The following AGPAT3 variants were observed in gnomAD, a reference collection of about 807,000 sequenced individuals.
AGPAT3 encodes 1-acyl-sn-glycerol-3-phosphate acyltransferase gamma.
A neutral mutation model predicts 47.3 loss-of-function variants in AGPAT3; 5 were observed. The observed-to-expected ratio is 0.11, with a 90% CI of 0.06 to 0.22. The LOEUF is 0.22. Ranked by LOEUF, AGPAT3 falls within the 10% of genes least tolerant of loss-of-function variation. The pLI is 1.00. For missense variants in AGPAT3, 315 were observed against 493.0 expected, an observed-to-expected ratio of 0.64 and a Z score of 3.42; for synonymous variants, 212 against 208.3, an observed-to-expected ratio of 1.02 and a Z score of -0.15.
Position 43,981,065 on chromosome 21 carries a change from C to T in AGPAT3, c.920C>T (p.Thr307Ile). The change falls in exon 9 of 10, where the codon ACC becomes ATC. Residue 307 changes from threonine (T) to isoleucine (I), a missense_variant. Coordinates refer to ENST00000291572, the MANE Select transcript of AGPAT3 (RefSeq NM_020132.5). This position sits in a 1 kb window ranked among gnomAD's most constrained non-coding sequence, Gnocchi z 5.3. ...EQFKPARRPW[T>I]LLNFLSWATI... Reference sequence around the variant, plus strand: ...TTTAAGCCTGCCCGGAGGCCGTGGACCCTCCTGAACTTCCTGTCCTGGGCC... The same window carrying T: ...TTTAAGCCTGCCCGGAGGCCGTGGATCCTCCTGAACTTCCTGTCCTGGGCC... 6.2e-7 allele frequency: 1 copy of T among 1,614,196 alleles called. No homozygotes were observed. The highest frequency in any genetic ancestry group is 8.5e-7 in the Non-Finnish European group (1 of 1,180,018).
At chr21:43,888,745 C>T (rs1448606127) in intron 1 of AGPAT3, among the ~76,000 whole-genome samples, 4 of 152,220 alleles carry the variant, frequency 2.6e-5, no homozygotes, top group Non-Finnish European at 5.9e-5. Context: ...AATCCCAGCA[C>T]TTTGGGAGGC....
intron 7 of AGPAT3, among the ~76,000 whole-genome samples, chr21:43,973,146 G>A (rs188686548): frequency 2.4e-3 from 368 of 152,390 alleles, no homozygotes; most frequent in African/African-American, 8.3e-3. Context: ...TGAAGTTCAA[G>A]GACTGGCTGA....
rs959023444 is a variant in AGPAT3, at chr21:43,955,346, C to G, written c.-48-4288C>G. The G allele has an allele frequency of 6.2e-6, 5 of 801,126 alleles. No homozygotes were observed. The African/African-American group carries it at 7.4e-5, about 12-fold the overall frequency. The allele number at this position is 801,126 out of a possible 1,614,324, so 49.6% of individuals were successfully genotyped here. A position where few individuals can be genotyped will look rare whatever the true frequency, so the allele number is the denominator to read the frequency against. ...TGTTGCAGTGTGGTGGGGTCACAGG[C>G]GGCTTAGCTTGTCAACACCCATAAC... On this transcript the variant is annotated intron_variant, in intron 2 of 9. Coordinates refer to ENST00000291572, the MANE Select transcript of AGPAT3 (RefSeq NM_020132.5). The surrounding 1 kb of genome is among the most constrained non-coding windows in gnomAD (Gnocchi z 4.1).
At chr21:43,931,058 C>T (rs552356298) in intron 2 of AGPAT3, among the ~76,000 whole-genome samples, 16 of 152,230 alleles carry the variant, frequency 1.1e-4, no homozygotes, top group East Asian at 7.7e-4. Flanking sequence ...TGCCTTTTCT[C>T]GAGGGCCCCG....
chr21:43,906,497 A>C, intron 2 of AGPAT3, among the ~76,000 whole-genome samples: 1 of 152,214 alleles, frequency 6.6e-6, no homozygotes, highest in Non-Finnish European at 1.5e-5. Flanking sequence ...GAAATGTTGT[A>C]TCACTAGACA....
At chr21:43,903,279 G>A (rs765510763) in intron 1 of AGPAT3, among the ~76,000 whole-genome samples, 7 of 152,178 alleles carry the variant, frequency 4.6e-5, no homozygotes, top group Non-Finnish European at 8.8e-5. Context: ...GTGTTTAATG[G>A]AGACAGTGTT....
Position 43,982,631 on chromosome 21 carries a change from C to G in AGPAT3, c.*239C>G, listed in dbSNP as rs1006728337. On this transcript the variant is annotated 3_prime_UTR_variant, in exon 10 of 10. Coordinates refer to ENST00000291572, the MANE Select transcript of AGPAT3 (RefSeq NM_020132.5). The surrounding 1 kb of genome is among the most constrained non-coding windows in gnomAD (Gnocchi z 6.2). ...CGCGCCCGTGGGAGGTGGGTCCGGC[C>G]GGAGAGGCCTCCCGCGGACGCCGTC... 2 of 360,016 alleles carry G rather than the reference C, an allele frequency of 5.6e-6. No individual in the cohort carries two copies. Among genetic ancestry groups the G allele is most frequent in the African/African-American group, 4.3e-5 (2 of 46,434 alleles). The allele number at this position is 360,016 out of a possible 1,614,324, so 22.3% of individuals were successfully genotyped here. A position where few individuals can be genotyped will look rare whatever the true frequency, so the allele number is the denominator to read the frequency against.
At chr21:43,935,462 C>T (rs1469825680) in intron 2 of AGPAT3, among the ~76,000 whole-genome samples, 1 of 152,258 alleles carries the variant, frequency 6.6e-6, no homozygotes, top group African/African-American at 2.4e-5. Context: ...GCATAGGCCC[C>T]ACAATGTCCC....
chr21:43,888,811 A>T (rs2086037655), intron 1 of AGPAT3, among the ~76,000 whole-genome samples: 1 of 152,188 alleles, frequency 6.6e-6, no homozygotes, highest in African/African-American at 2.4e-5. Flanking sequence ...CAACATGGTG[A>T]AACCCCATCT....
intron 2 of AGPAT3, among the ~76,000 whole-genome samples, chr21:43,924,047 C>T (rs1287700671): frequency 3.3e-5 from 5 of 152,168 alleles, no homozygotes; most frequent in African/African-American, 9.6e-5. Flanking sequence ...GACGGAGTCT[C>T]GCTCTGTTGC....
At chr21:43,891,017 T>C (rs1244971506) in intron 1 of AGPAT3, among the ~76,000 whole-genome samples, 1 of 152,168 alleles carries the variant, frequency 6.6e-6, no homozygotes, top group Non-Finnish European at 1.5e-5. Context: ...GGATTACAGG[T>C]GTGAGCCATA....
intron 8 of AGPAT3, among the ~76,000 whole-genome samples, chr21:43,978,823 G>T (rs1404976216): frequency 1.3e-5 from 2 of 152,156 alleles, no homozygotes; most frequent in Non-Finnish European, 2.9e-5. Flanking sequence ...ACCACACTCA[G>T]TTCTTATTTC....
At chr21:43,906,651 G>A (rs541790192) in intron 2 of AGPAT3, among the ~76,000 whole-genome samples, 2 of 152,296 alleles carry the variant, frequency 1.3e-5, no homozygotes, top group South Asian at 4.1e-4. Flanking sequence ...ATCTTCTAAA[G>A]CGGAGCAAAC....
intron 1 of AGPAT3, among the ~76,000 whole-genome samples, chr21:43,903,011 T>A (rs1365291155): frequency 6.6e-6 from 1 of 152,070 alleles, no homozygotes; most frequent in Admixed American, 6.6e-5. Context: ...AAAAAAAATA[T>A]GAATTTGTAG....
intron 6 of AGPAT3, among the ~76,000 whole-genome samples, chr21:43,971,175 C>G (rs76859218): frequency 0.015 from 2,286 of 152,288 alleles, 61 homozygotes; most frequent in African/African-American, 0.047. Context: ...ACGTCAGCCA[C>G]TAAATGCCCT....
Position 43,970,562 on chromosome 21 carries a change from C to A in AGPAT3, c.511-91C>A. ...AGATTTCCACAAATTCAGCCACAAC[C>A]TTTGCTGCCTGTCAGAGAGGCAGGC... On this transcript the variant is annotated intron_variant, in intron 5 of 9. Transcript: ENST00000291572. This position sits in a 1 kb window ranked among gnomAD's most constrained non-coding sequence, Gnocchi z 5.8. The A allele has an allele frequency of 7.1e-7, 1 of 1,416,448 alleles. No homozygotes were observed. 87.7% of individuals were successfully genotyped at this position (1,416,448 alleles called of 1,614,324 possible). A position where few individuals can be genotyped will look rare whatever the true frequency, so the allele number is the denominator to read the frequency against.
intron 2 of AGPAT3, among the ~76,000 whole-genome samples, chr21:43,915,213 G>A (rs1056058720): frequency 4.0e-5 from 6 of 150,872 alleles, no homozygotes; most frequent in African/African-American, 7.3e-5. Flanking sequence ...CACCATGCCC[G>A]GCTAATTTTT....
chr21:43,937,044 G>T (rs182445630), intron 2 of AGPAT3, among the ~76,000 whole-genome samples: 25 of 152,282 alleles, frequency 1.6e-4, no homozygotes, highest in African/African-American at 5.8e-4. Flanking sequence ...CTCCATTCAC[G>T]TACTGTTCTG....
intron 6 of AGPAT3, 90 bp from the exon 7 acceptor site, chr21:43,971,298 C>A: frequency 8.7e-7 from 1 of 1,147,708 alleles, no homozygotes; most frequent in Non-Finnish European, 1.3e-6. Flanking sequence ...CAGGACGGGG[C>A]CGGGTCCCAG....
Sources: gnomAD v4.1 joint callset for allele counts (sites outside exome capture counted in the v4.1 genomes callset) on GRCh38, gnomAD v4.1.1 for gene constraint, Gnocchi (gnomAD v3.1) non-coding constraint, MANE v1.5 for transcripts, NCBI Gene and HGNC (gene_info 2026-07-23, HGNC 2026-07-21) for gene names.